Variants in FHIT observed in about 807,000 individuals in gnomAD.
FHIT encodes fragile histidine triad diadenosine triphosphatase, also known as bis(5'-adenosyl)-triphosphatase.
In FHIT, 19 loss-of-function variants were observed where a neutral mutation model predicts 17.9. The ratio of observed to expected loss-of-function variants is 1.06; its 90% CI spans 0.74 to 1.56. The LOEUF (loss-of-function observed/expected upper bound fraction) is 1.56, where lower values mean the gene tolerates loss of function less well. Ranked by LOEUF, FHIT falls within the 40% of genes most tolerant of loss-of-function variation. The probability of loss-of-function intolerance (pLI) is 0.00; values close to 1 mark genes in which losing one functional copy is unlikely to be tolerated. For synonymous variants in FHIT, 81 were observed against 69.7 expected, an observed-to-expected ratio of 1.16 and a Z score of -0.81; for missense variants, 248 against 189.2, an observed-to-expected ratio of 1.31 and a Z score of -1.82.
chr3:61,112,330 G>A (rs2106892458), intron 2 of FHIT, among the ~76,000 whole-genome samples: 1 of 151,438 alleles, frequency 6.6e-6, no homozygotes, highest in Admixed American at 6.6e-5. Context: ...AATGGGACAG[G>A]AGACCACCCC....
chr3:60,503,902 T>A (rs2034621288), intron 5 of FHIT, among the ~76,000 whole-genome samples: 1 of 152,112 alleles, frequency 6.6e-6, no homozygotes, highest in African/African-American at 2.4e-5. Flanking sequence ...ATGAAAAAAA[T>A]TAACAGTATT....
chr3:60,667,008 C>A (rs2040397001), intron 4 of FHIT, among the ~76,000 whole-genome samples: 1 of 147,452 alleles, frequency 6.8e-6, no homozygotes, highest in Admixed American at 6.8e-5. Context: ...GTGTGCACCA[C>A]CATGCCTGGT....
intron 5 of FHIT, among the ~76,000 whole-genome samples, chr3:60,466,763 G>C (rs1050658488): frequency 2.0e-5 from 3 of 149,080 alleles, no homozygotes; most frequent in Non-Finnish European, 3.0e-5. Context: ...GCTGAATTCA[G>C]TTTGTTAGTA....
chr3:59,808,663 GT>G, intron 8 of FHIT, among the ~76,000 whole-genome samples: 1 of 152,306 alleles, frequency 6.6e-6, no homozygotes, highest in South Asian at 2.1e-4. Context: ...CTGATCTGGA[GT>G]TTCAGTTGGC....
intron 5 of FHIT, among the ~76,000 whole-genome samples, chr3:60,133,286 C>G (rs1048348654): frequency 2.0e-5 from 3 of 152,136 alleles, no homozygotes; most frequent in Non-Finnish European, 2.9e-5. Flanking sequence ...TCTCTACCCC[C>G]ACAAACTTCA....
At chr3:59,873,344 T>C (rs897838130) in intron 8 of FHIT, among the ~76,000 whole-genome samples, 3 of 152,182 alleles carry the variant, frequency 2.0e-5, no homozygotes, top group Non-Finnish European at 2.9e-5. Flanking sequence ...TCATTTACTA[T>C]ATGCCTGACA....
intron 2 of FHIT, among the ~76,000 whole-genome samples, chr3:61,061,605 G>C (rs1411355791): frequency 6.6e-6 from 1 of 151,338 alleles, no homozygotes; most frequent in Non-Finnish European, 1.5e-5. Flanking sequence ...CTATGGACTT[G>C]CTTGAACACA....
chr3:60,979,208 C>A (rs1040235325), intron 3 of FHIT, among the ~76,000 whole-genome samples: 12 of 152,202 alleles, frequency 7.9e-5, no homozygotes, highest in Non-Finnish European at 1.5e-5. Context: ...CAGTCTCTCT[C>A]CTCCAATCTG....
At chr3:61,079,197 T>C (rs995019428) in intron 2 of FHIT, among the ~76,000 whole-genome samples, 61 of 152,288 alleles carry the variant, frequency 4.0e-4, no homozygotes, top group African/African-American at 1.4e-3. Context: ...ACAACTGAGA[T>C]TTCAATTGAG....
At chr3:60,447,508 T>C (rs1457246054) in intron 5 of FHIT, among the ~76,000 whole-genome samples, 1 of 152,152 alleles carries the variant, frequency 6.6e-6, no homozygotes, top group Non-Finnish European at 1.5e-5. Flanking sequence ...TTAAGACAGA[T>C]ATATCAAGCA....
chr3:60,994,564 A>G (rs2030511475), intron 3 of FHIT, among the ~76,000 whole-genome samples: 1 of 152,140 alleles, frequency 6.6e-6, no homozygotes, highest in Non-Finnish European at 1.5e-5. Flanking sequence ...AGATAAGCAT[A>G]CTCACCTTTT....
chr3:60,853,554 C>A (rs981121288), intron 3 of FHIT, among the ~76,000 whole-genome samples: 2 of 151,970 alleles, frequency 1.3e-5, no homozygotes, highest in Non-Finnish European at 2.9e-5. Flanking sequence ...TTGAAAGGAC[C>A]CAAATATAAA....
Position 60,351,121 on chromosome 3 carries a change from C to T in FHIT, c.103+185739G>A, listed in dbSNP as rs112780566. 3.1e-3 allele frequency among the ~76,000 whole-genome samples: 471 copies of T among 152,246 alleles called. 1 individual carries two copies. Among genetic ancestry groups the T allele is most frequent in the African/African-American group, 0.011 (446 of 41,538 alleles). ...TTAACCCATGTCTGAACTTCTGACT[C>T]ACATGAACTATGAGATAATAAAGGT... is the stretch of plus-strand genomic sequence containing the variant. On this transcript the variant is annotated intron_variant, in intron 5 of 9. Coordinates refer to ENST00000492590, the MANE Select transcript of FHIT (RefSeq NM_002012.4).
chr3:61,069,736 G>A (rs1430966177), intron 2 of FHIT, among the ~76,000 whole-genome samples: 1 of 152,174 alleles, frequency 6.6e-6, no homozygotes, highest in African/African-American at 2.4e-5. Flanking sequence ...TTAGCACAGT[G>A]CCCCACACAT....
chr3:60,352,732 C>T (rs947706047), intron 5 of FHIT, among the ~76,000 whole-genome samples: 3 of 152,084 alleles, frequency 2.0e-5, no homozygotes, highest in African/African-American at 7.2e-5. Flanking sequence ...AGGCTGATCT[C>T]AAACTCCTAG....
At chr3:59,884,037 A>G (rs1247995642) in intron 8 of FHIT, among the ~76,000 whole-genome samples, 2 of 152,234 alleles carry the variant, frequency 1.3e-5, no homozygotes, top group Non-Finnish European at 2.9e-5. Context: ...ATGTCAACCA[A>G]TATTCATGTC....
chr3:60,976,709 C>T (rs936867204), intron 3 of FHIT, among the ~76,000 whole-genome samples: 1 of 152,130 alleles, frequency 6.6e-6, no homozygotes, highest in East Asian at 1.9e-4. Context: ...CAAAATATTC[C>T]TCATTCCACA....
At chr3:60,432,336 A>G (rs1702940891) in intron 5 of FHIT, among the ~76,000 whole-genome samples, 1 of 152,062 alleles carries the variant, frequency 6.6e-6, no homozygotes, top group African/African-American at 2.4e-5. Context: ...TAGGCACTCA[A>G]CATTCAACAT....
intron 4 of FHIT, among the ~76,000 whole-genome samples, chr3:60,741,939 C>T (rs557289723): frequency 6.6e-6 from 1 of 152,302 alleles, no homozygotes; most frequent in South Asian, 2.1e-4. Flanking sequence ...TTCCCAGGCT[C>T]CCCTCCAATT....
Sources: allele counts gnomAD v4.1 joint callset (sites outside exome capture counted in the v4.1 genomes callset), GRCh38; gene constraint gnomAD v4.1.1; transcripts MANE v1.5; gene names NCBI Gene and HGNC (gene_info 2026-07-23, HGNC 2026-07-21).